JHY: variants seen among roughly 807,000 people sequenced by gnomAD.
JHY encodes the protein jhy protein homolog.
JHY carries 69 observed loss-of-function variants against 78.0 expected under a neutral mutation model. The ratio of observed to expected loss-of-function variants is 0.88; its 90% CI spans 0.73 to 1.08. JHY has a LOEUF of 1.08. Ranked by LOEUF, JHY falls within the 50% of genes least tolerant of loss-of-function variation. The pLI, the probability that JHY is intolerant of heterozygous loss-of-function variation, is 0.00. For synonymous variants in JHY, 368 were observed against 342.6 expected, an observed-to-expected ratio of 1.07 and a Z score of -0.82; for missense variants, 944 against 927.8, an observed-to-expected ratio of 1.02 and a Z score of -0.23.
At chr11:122,904,509 T>C in intron 3 of JHY, 65 bp downstream of exon 3, 1 of 1,519,682 alleles carries the variant, frequency 6.6e-7, no homozygotes, top group Non-Finnish European at 8.9e-7. Flanking sequence ...TTGTTTGCAG[T>C]GTCTAGATAT....
intron 6 of JHY, among the ~76,000 whole-genome samples, chr11:122,954,825 T>A (rs868601247): frequency 1.2e-5 from 1 of 82,164 alleles, no homozygotes; most frequent in African/African-American, 5.5e-5. Context: ...TTTTTAAAAT[T>A]AACAGGAGAT....
At position 122,926,026 on chromosome 11, in the gene JHY, A is replaced by C. The variant is rs533187761; in HGVS notation, c.978+1016A>C. Reference sequence around the variant, plus strand: ...AGCAAGACTCCGTATCAAAAAAGAAAAAAAAAAAAAGATTAGCCAGGCATG... The same window carrying C: ...AGCAAGACTCCGTATCAAAAAAGAACAAAAAAAAAAGATTAGCCAGGCATG... On this transcript the variant is annotated intron_variant, in intron 4 of 8. Transcript: ENST00000227349. Among the ~76,000 whole-genome samples, 126 of 151,174 alleles carry C rather than the reference A, an allele frequency of 8.3e-4. 1 individual carries two copies. Among genetic ancestry groups the C allele is most frequent in the African/African-American group, 2.9e-3 (119 of 41,174 alleles).
intron 6 of JHY, among the ~76,000 whole-genome samples, chr11:122,951,367 T>C (rs567343902): frequency 6.6e-6 from 1 of 152,326 alleles, no homozygotes; most frequent in African/African-American, 2.4e-5. Context: ...CAGCTAACTG[T>C]GCTGAGCTGA....
In JHY at chr11:122,931,034, T is replaced by G. The variant is rs1429488439; in HGVS notation, c.979-3386T>G. Among the ~76,000 whole-genome samples, 3 of 152,126 alleles carry G rather than the reference T, an allele frequency of 2.0e-5. No individual in the cohort carries two copies. The East Asian group carries it at 5.8e-4, about 29-fold the overall frequency. On this transcript the variant is annotated intron_variant, in intron 4 of 8. Coordinates refer to ENST00000227349, the MANE Select transcript of JHY (RefSeq NM_024806.4). Reference sequence around the variant, plus strand: ...CACACAATGGAGGGGGGGAATGAGCTTCCTTGAGCCTATTTTATAGGGACA... The same window carrying G: ...CACACAATGGAGGGGGGGAATGAGCGTCCTTGAGCCTATTTTATAGGGACA...
At chr11:122,915,826 A>G (rs1238746388) in intron 3 of JHY, among the ~76,000 whole-genome samples, 3 of 152,104 alleles carry the variant, frequency 2.0e-5, no homozygotes. Flanking sequence ...AAAAAGAAGA[A>G]GTTAACAGGT....
Position 122,898,558 on chromosome 11 carries a change from C to T in JHY, c.345-5367C>T, listed in dbSNP as rs191598525. On this transcript the variant is annotated intron_variant, in intron 2 of 8. Coordinates refer to ENST00000227349, the MANE Select transcript of JHY (RefSeq NM_024806.4). This position sits in a 1 kb window ranked among gnomAD's most constrained non-coding sequence, Gnocchi z 4.4. ...AGTAACACGTGCTCCCTTTCCACAT[C>T]CCACTCCTGAGTGAGTAGCAGAACA... Among the ~76,000 whole-genome samples the T allele has an allele frequency of 7.7e-4, 118 of 152,308 alleles. No homozygotes were observed. The highest frequency in any genetic ancestry group is 2.1e-3 in the Admixed American group (32 of 15,294).
chr11:122,953,731 C>G (rs532290422), intron 6 of JHY, among the ~76,000 whole-genome samples: 2 of 152,148 alleles, frequency 1.3e-5, no homozygotes, highest in East Asian at 3.9e-4. Flanking sequence ...GTAGTGACTT[C>G]TGTTTTCTTA....
chr11:122,883,172 T>C lies in JHY; in HGVS notation c.-90+200T>C, dbSNP rs1862420501. ...GGGCTGGGGGGCCGCCATGCGAGGCTTCGGCGCCCGGGCACCCAGAGCAGC... is the reference window on the plus strand; with the variant it reads ...GGGCTGGGGGGCCGCCATGCGAGGCCTCGGCGCCCGGGCACCCAGAGCAGC... On this transcript the variant is annotated intron_variant, in intron 1 of 8. Transcript: ENST00000227349. The surrounding 1 kb of genome is among the most constrained non-coding windows in gnomAD (Gnocchi z 4.4). Among the ~76,000 whole-genome samples the C allele has an allele frequency of 6.6e-6, 1 of 152,090 alleles. No individual in the cohort carries two copies. Among genetic ancestry groups the C allele is most frequent in the East Asian group, 1.9e-4 (1 of 5,162 alleles).
At position 122,938,010 on chromosome 11, in the gene JHY, GT is replaced by G. The variant is rs80251391; in HGVS notation, c.1634+2943del. Among the ~76,000 whole-genome samples the G allele has an allele frequency of 5.9e-5, 9 of 151,424 alleles. No individual in the cohort carries two copies. In the East Asian group the frequency reaches 9.7e-4, roughly 16 times the overall value. On this transcript the variant is annotated intron_variant, in intron 5 of 8. Coordinates refer to ENST00000227349, the MANE Select transcript of JHY (RefSeq NM_024806.4). ...ATTCCTGATCCTTTGTATATAATCTGTTTTTTTTGTTGTTGTTTTTTGTTTT... is the reference window on the plus strand; with the variant it reads ...ATTCCTGATCCTTTGTATATAATCTGTTTTTTTGTTGTTGTTTTTTGTTTT...
chr11:122,885,740 C>T, intron 1 of JHY, 21 bp from the exon 2 acceptor site: 1 of 789,880 alleles, frequency 1.3e-6, no homozygotes. Flanking sequence ...CGCAGAGTAA[C>T]ATAAATATAT....
intron 2 of JHY, among the ~76,000 whole-genome samples, chr11:122,895,764 AC>A (rs1363192310): frequency 1.3e-5 from 2 of 152,176 alleles, no homozygotes; most frequent in Non-Finnish European, 1.5e-5. Context: ...GCAGATGATG[AC>A]TAATGAAAGG....
intron 2 of JHY, among the ~76,000 whole-genome samples, chr11:122,903,280 G>A (rs182950588): frequency 7.2e-5 from 11 of 152,274 alleles, no homozygotes; most frequent in Admixed American, 2.6e-4. Context: ...GTAAGTAATC[G>A]CATTCATTGA....
intron 8 of JHY, among the ~76,000 whole-genome samples, chr11:122,958,233 T>C (rs1196015346): frequency 6.6e-6 from 1 of 152,208 alleles, no homozygotes; most frequent in African/African-American, 2.4e-5. Context: ...TCTGCCTCAA[T>C]TGATCTATCC....
At chr11:122,891,717 C>T (rs1862617803) in intron 2 of JHY, among the ~76,000 whole-genome samples, 1 of 152,110 alleles carries the variant, frequency 6.6e-6, no homozygotes, top group Non-Finnish European at 1.5e-5. Context: ...ACAGGAGCCT[C>T]TTGGATAGGC....
At chr11:122,905,183 A>G in intron 3 of JHY, 2 of 1,613,852 alleles carry the variant, frequency 1.2e-6, no homozygotes, top group Non-Finnish European at 1.7e-6. Context: ...TCATTTTGAG[A>G]GTAAATTCTC....
rs1366186415 is a variant in JHY at position 122,917,731 on chromosome 11, T to C, written c.865-7166T>C. ...TTTGTGATTTTTTTGTTTTTATCTC[T>C]AATGTGTCCATTCAGAGGTCACACT... On this transcript the variant is annotated intron_variant, in intron 3 of 8. Coordinates refer to ENST00000227349, the MANE Select transcript of JHY (RefSeq NM_024806.4). The surrounding 1 kb of genome is among the most constrained non-coding windows in gnomAD (Gnocchi z 4.1). 6.6e-6 allele frequency among the ~76,000 whole-genome samples: 1 copy of C among 152,210 alleles called. No individual in the cohort carries two copies. The highest frequency in any genetic ancestry group is 1.5e-5 in the Non-Finnish European group (1 of 68,032).
At chr11:122,911,485 C>G (rs1863123703) in intron 3 of JHY, among the ~76,000 whole-genome samples, 1 of 152,120 alleles carries the variant, frequency 6.6e-6, no homozygotes, top group African/African-American at 2.4e-5. Context: ...TAACAGAAAA[C>G]AAGAGAGGCA....
At chr11:122,905,136 T>G in intron 3 of JHY, 3 of 1,469,174 alleles carry the variant, frequency 2.0e-6, no homozygotes, top group Non-Finnish European at 2.9e-6. Flanking sequence ...ATTTGTAAAA[T>G]TGGGACAGTA....
At chr11:122,931,551 G>A (rs1207302252) in intron 4 of JHY, among the ~76,000 whole-genome samples, 1 of 152,034 alleles carries the variant, frequency 6.6e-6, no homozygotes, top group Non-Finnish European at 1.5e-5. Flanking sequence ...ATTATCAGAT[G>A]GAATTTGTAT....
Sources: gnomAD v4.1 joint callset for allele counts (sites outside exome capture counted in the v4.1 genomes callset) on GRCh38, gnomAD v4.1.1 for gene constraint, Gnocchi (gnomAD v3.1) non-coding constraint, MANE v1.5 for transcripts, NCBI Gene and HGNC (gene_info 2026-07-23, HGNC 2026-07-21) for gene names.